Variants in TYW1B observed in about 807,000 individuals in gnomAD.
TYW1B encodes the protein S-adenosyl-L-methionine-dependent tRNA 4-demethylwyosine synthase TYW1B.
A neutral mutation model predicts 86.9 loss-of-function variants in TYW1B; 73 were observed. The ratio of observed to expected loss-of-function variants is 0.84; its 90% CI spans 0.70 to 1.02. The LOEUF is 1.02. Among genes scored for constraint, TYW1B ranks in the 50% least tolerant of loss-of-function variants. TYW1B has a pLI of 0.00. For missense variants in TYW1B, 637 were observed against 827.4 expected, an observed-to-expected ratio of 0.77 and a Z score of 2.82; for synonymous variants, 248 against 292.8, an observed-to-expected ratio of 0.85 and a Z score of 1.56.
intron 13 of TYW1B, among the ~76,000 whole-genome samples, chr7:72,600,977 G>A (rs1460973015): frequency 3.9e-5 from 6 of 151,954 alleles, no homozygotes; most frequent in African/African-American, 1.2e-4. Flanking sequence ...CTAACATGGC[G>A]AAGCCCTGTT....
At chr7:72,639,143 A>C (rs1281321607) in intron 11 of TYW1B, among the ~76,000 whole-genome samples, 1 of 152,162 alleles carries the variant, frequency 6.6e-6, no homozygotes, top group East Asian at 1.9e-4. Flanking sequence ...TCTTTTGGAA[A>C]CTATCAGAGA....
intron 11 of TYW1B, among the ~76,000 whole-genome samples, chr7:72,637,086 C>T (rs1367055956): frequency 3.9e-5 from 6 of 151,930 alleles, no homozygotes; most frequent in Non-Finnish European, 5.9e-5. Context: ...ATCACGCCAT[C>T]GCACTCCAGC....
intron 8 of TYW1B, among the ~76,000 whole-genome samples, chr7:72,730,083 C>A (rs1787075697): frequency 6.6e-6 from 1 of 152,178 alleles, no homozygotes; most frequent in African/African-American, 2.4e-5. Flanking sequence ...CCAGGAAAGT[C>A]TTTCCCTATG....
intron 11 of TYW1B, among the ~76,000 whole-genome samples, chr7:72,638,945 G>T (rs1454393342): frequency 6.6e-6 from 1 of 152,144 alleles, no homozygotes. Flanking sequence ...ATACCAAAAG[G>T]ACTCAATCAG....
chr7:72,730,636 AAAG>A (rs782391791), intron 8 of TYW1B, among the ~76,000 whole-genome samples: 42 of 151,368 alleles, frequency 2.8e-4, no homozygotes, highest in South Asian at 6.3e-4. Context: ...AGAAAGAAGA[AAAG>A]AAGAAGAAGG....
chr7:72,827,840 G>C (rs1404349033), intron 1 of TYW1B, among the ~76,000 whole-genome samples: 1 of 152,170 alleles, frequency 6.6e-6, no homozygotes, highest in South Asian at 2.1e-4. Flanking sequence ...TAATACACGT[G>C]GGTAAAGTGG....
intron 7 of TYW1B, among the ~76,000 whole-genome samples, chr7:72,768,570 G>C (rs1427831292): frequency 2.6e-5 from 4 of 152,002 alleles, no homozygotes; most frequent in Admixed American, 2.0e-4. Flanking sequence ...GGCGGATCAC[G>C]AGGTCAGGAG....
intron 5 of TYW1B, 99 bp from the exon 6 acceptor site, chr7:72,802,621 TC>T (rs1474683241): frequency 1.4e-6 from 2 of 1,433,592 alleles, no homozygotes; most frequent in Admixed American, 2.9e-5. Context: ...GTCTCTAAAT[TC>T]TTTTTTTTTT....
intron 10 of TYW1B, among the ~76,000 whole-genome samples, chr7:72,713,069 C>T (rs1181010756): frequency 4.0e-5 from 6 of 151,052 alleles, no homozygotes; most frequent in East Asian, 1.9e-4. Flanking sequence ...GAGGCTGAGG[C>T]GGGAGGATCA....
At chr7:72,656,541 G>C (rs1813209046) in intron 11 of TYW1B, among the ~76,000 whole-genome samples, 2 of 152,040 alleles carry the variant, frequency 1.3e-5, no homozygotes, top group Admixed American at 1.3e-4. Flanking sequence ...CTGGGAGGTG[G>C]AGTTTGCAGT....
intron 6 of TYW1B, among the ~76,000 whole-genome samples, chr7:72,788,274 C>T (rs563744914): frequency 6.6e-6 from 1 of 152,216 alleles, no homozygotes; most frequent in East Asian, 1.9e-4. Flanking sequence ...CCACTGCACC[C>T]GGCCTCCTTG....
At chr7:72,827,977 A>C in intron 1 of TYW1B, 95 bp downstream of exon 1, 1 of 1,585,710 alleles carries the variant, frequency 6.3e-7, no homozygotes, top group Non-Finnish European at 8.6e-7. Flanking sequence ...CTCCGAAGGA[A>C]GGGGACCGAG....
chr7:72,766,632 A>C (rs1241534290), intron 7 of TYW1B, among the ~76,000 whole-genome samples: 1 of 148,846 alleles, frequency 6.7e-6, no homozygotes, highest in Non-Finnish European at 1.5e-5. Context: ...AAAAAAAAAA[A>C]ACATAACTAC....
intron 8 of TYW1B, among the ~76,000 whole-genome samples, chr7:72,744,189 T>G (rs1435033118): frequency 5.3e-5 from 8 of 152,148 alleles, no homozygotes; most frequent in Non-Finnish European, 1.2e-4. Flanking sequence ...TAAATTTTTA[T>G]CACTAATGTA....
chr7:72,741,413 A>C (rs1295569860), intron 8 of TYW1B, among the ~76,000 whole-genome samples: 1 of 152,188 alleles, frequency 6.6e-6, no homozygotes, highest in Non-Finnish European at 1.5e-5. Flanking sequence ...ATCAATTTGG[A>C]ATTATCTTGC....
At chr7:72,608,662 G>A (rs1213735597) in intron 13 of TYW1B, among the ~76,000 whole-genome samples, 1 of 152,172 alleles carries the variant, frequency 6.6e-6, no homozygotes, top group Non-Finnish European at 1.5e-5. Flanking sequence ...AATGATACAC[G>A]CAGGTTGAAG....
At chr7:72,798,007 A>G (rs200357109) in intron 6 of TYW1B, among the ~76,000 whole-genome samples, 1 of 61,822 alleles carries the variant, frequency 1.6e-5, no homozygotes, top group African/African-American at 4.3e-5. Context: ...CTATTTATAT[A>G]TATACACACA....
At chr7:72,805,379 G>A (rs1441668884) in intron 5 of TYW1B, among the ~76,000 whole-genome samples, 7 of 150,042 alleles carry the variant, frequency 4.7e-5, no homozygotes, top group South Asian at 2.1e-4. Flanking sequence ...TTGGGAGGCC[G>A]GGCCAGTGGA....
intron 13 of TYW1B, among the ~76,000 whole-genome samples, chr7:72,599,612 G>C (rs1323484868): frequency 2.6e-5 from 4 of 152,060 alleles, no homozygotes; most frequent in Non-Finnish European, 5.9e-5. Flanking sequence ...CAGGTGACGT[G>C]ATTATACATG....
Sources: gnomAD v4.1 joint callset for allele counts (sites outside exome capture counted in the v4.1 genomes callset) on GRCh38, gnomAD v4.1.1 for gene constraint, MANE v1.5 for transcripts, NCBI Gene and HGNC (gene_info 2026-07-23, HGNC 2026-07-21) for gene names.